Variants in GREM2 observed in about 807,000 individuals in gnomAD.
The protein encoded by GREM2 is gremlin-2.
In GREM2, 11 loss-of-function variants were observed where a neutral mutation model predicts 14.2. The ratio of observed to expected loss-of-function variants is 0.78; its 90% CI spans 0.49 to 1.28. The LOEUF is 1.28. GREM2 is among the 50% of genes most tolerant of loss of function. The pLI, the probability that GREM2 is intolerant of heterozygous loss-of-function variation, is 0.00. For missense variants in GREM2, 210 were observed against 218.5 expected (o/e 0.96, Z 0.24); for synonymous variants, 98 against 97.6 (o/e 1.00, Z -0.02).
Position 240,542,527 on chromosome 1 carries a change from A to G in GREM2, c.-1-49051T>C, listed in dbSNP as rs890487491. Among the ~76,000 whole-genome samples the G allele has an allele frequency of 2.4e-4, 37 of 151,924 alleles. No individual in the cohort carries two copies. The highest frequency in any genetic ancestry group is 8.4e-4 in the African/African-American group (35 of 41,440). The stretch of plus-strand genomic sequence containing the variant: ...CTACTCGGGAGGCTGAGGCAGGAGA[A>G]TCGCTTGAACCCAGGAGGCGGAGGT... On this transcript the variant is annotated intron_variant, in intron 1 of 1. Coordinates refer to ENST00000318160, the MANE Select transcript of GREM2 (RefSeq NM_022469.4). The surrounding 1 kb of genome is among the most constrained non-coding windows in gnomAD (Gnocchi z 4.1).
chr1:240,596,105 C>A (rs1243608603), intron 1 of GREM2, among the ~76,000 whole-genome samples: 2 of 152,086 alleles, frequency 1.3e-5, no homozygotes, highest in Admixed American at 6.6e-5. Flanking sequence ...ATTGTGTAGG[C>A]TGAATGATCG....
chr1:240,574,398 C>G (rs1401475655), intron 1 of GREM2, among the ~76,000 whole-genome samples: 2 of 152,154 alleles, frequency 1.3e-5, no homozygotes, highest in Non-Finnish European at 2.9e-5. Flanking sequence ...GGCACATGTG[C>G]TTTTACATGA....
rs34188522 is a variant in GREM2 at position 240,493,085 on chromosome 1, C to T, written c.391G>A (p.Val131Ile). The change falls in exon 2 of 2, where the codon GTC (valine) becomes ATC (isoleucine). Residue 131 changes from valine to isoleucine, a missense_variant. Physicochemically the swap from Val to Ile is conservative, Grantham distance 29. Transcript: ENST00000318160. Reference protein sequence around the residue: ...AFCKPQRVTSVLVELECPGLD... With the variant: ...AFCKPQRVTSILVELECPGLD... Reference sequence around the variant, plus strand: ...CCGGGGCACTCGAGCTCCACGAGGACGGAGGTGACGCGCTGGGGCTTGCAG... The same window carrying T: ...CCGGGGCACTCGAGCTCCACGAGGATGGAGGTGACGCGCTGGGGCTTGCAG... 6.2e-7 allele frequency: 1 copy of T among 1,613,746 alleles called. No homozygotes were observed. The highest frequency in any genetic ancestry group is 8.5e-7 in the Non-Finnish European group (1 of 1,179,712).
intron 1 of GREM2, among the ~76,000 whole-genome samples, chr1:240,498,513 A>G (rs1246619574): frequency 2.6e-5 from 4 of 152,208 alleles, no homozygotes; most frequent in Non-Finnish European, 5.9e-5. Context: ...CAGTTGAGCC[A>G]GCAACTGCTA....
At chr1:240,528,580 A>G (rs559680362) in intron 1 of GREM2, among the ~76,000 whole-genome samples, 186 of 152,298 alleles carry the variant, frequency 1.2e-3, no homozygotes, top group Non-Finnish European at 2.5e-3. Context: ...AAGCCACAAA[A>G]CAACTGCAAT....
In GREM2 at chr1:240,543,247, T is replaced by A. The variant is rs1454719566; in HGVS notation, c.-1-49771A>T. ...AAAATGCACTGTAAAATGTGTTAGG[T>A]AATCTATTAGTCTGTCGTCATGCTG... On this transcript the variant is annotated intron_variant, in intron 1 of 1. Transcript: ENST00000318160. The surrounding 1 kb of genome is among the most constrained non-coding windows in gnomAD (Gnocchi z 6.4). Among the ~76,000 whole-genome samples the A allele has an allele frequency of 6.6e-6, 1 of 152,210 alleles. No homozygotes were observed. The highest frequency in any genetic ancestry group is 1.9e-4 in the East Asian group (1 of 5,198).
chr1:240,510,250 G>C (rs1572371756), intron 1 of GREM2, among the ~76,000 whole-genome samples: 1 of 151,558 alleles, frequency 6.6e-6, no homozygotes, highest in Non-Finnish European at 1.5e-5. Context: ...GGCGCCTGTA[G>C]TCCCAGCTAG....
intron 1 of GREM2, among the ~76,000 whole-genome samples, chr1:240,528,908 C>G (rs562775538): frequency 6.6e-6 from 1 of 152,178 alleles, no homozygotes; most frequent in Non-Finnish European, 1.5e-5. Context: ...TCTCTGTCTC[C>G]TACATCCCCG....
intron 1 of GREM2, among the ~76,000 whole-genome samples, chr1:240,506,131 T>G (rs73132229): frequency 0.16 from 24,210 of 152,124 alleles, 2,092 homozygotes; most frequent in East Asian, 0.38. Context: ...ATTATTATAT[T>G]ATTATTTGCA....
intron 1 of GREM2, among the ~76,000 whole-genome samples, chr1:240,590,997 G>A (rs145466079): frequency 1.5e-4 from 23 of 150,798 alleles, no homozygotes; most frequent in African/African-American, 3.4e-4. Context: ...GGCCAGGCTG[G>A]TCTCAAATGC....
At chr1:240,527,799 T>C (rs982042135) in intron 1 of GREM2, among the ~76,000 whole-genome samples, 1 of 152,226 alleles carries the variant, frequency 6.6e-6, no homozygotes, top group African/African-American at 2.4e-5. Context: ...CAAACAGCCA[T>C]GGTGAATACA....
chr1:240,494,468 A>G (rs1022801727), intron 1 of GREM2, among the ~76,000 whole-genome samples: 2 of 152,252 alleles, frequency 1.3e-5, no homozygotes, highest in Non-Finnish European at 2.9e-5. Context: ...TTTAAAAATG[A>G]GTATTAAAGA....
Position 240,510,141 on chromosome 1 carries a change from G to A in GREM2, c.-1-16665C>T, listed in dbSNP as rs375883108. ...TCCCAGCACTTTGGGAGGCCGAGGCGGGCGGATCACGAGGTCAGGAGATTG... is the reference window on the plus strand; with the variant it reads ...TCCCAGCACTTTGGGAGGCCGAGGCAGGCGGATCACGAGGTCAGGAGATTG... On this transcript the variant is annotated intron_variant, in intron 1 of 1. Coordinates refer to ENST00000318160, the MANE Select transcript of GREM2 (RefSeq NM_022469.4). Among the ~76,000 whole-genome samples, 33 of 152,112 alleles carry A rather than the reference G, an allele frequency of 2.2e-4. 1 individual carries two copies. Among genetic ancestry groups the A allele is most frequent in the East Asian group, 1.4e-3 (7 of 5,124 alleles).
chr1:240,493,380 C>G lies in GREM2; in HGVS notation c.96G>C (p.Ser32=). 2 of 1,613,642 alleles carry G rather than the reference C, an allele frequency of 1.2e-6. No individual in the cohort carries two copies. Among genetic ancestry groups the G allele is most frequent in the South Asian group, 1.1e-5 (1 of 91,068 alleles). Residue 32 remains serine (S), a synonymous_variant, in exon 2 of 2, where the codon TCG becomes TCC. Transcript: ENST00000318160. ...TGTTGCTGCTGCCGTCCTTGTAAGG[C>G]GAGGGGATGGCGCCCGCCGGCCGGT... ...RKNRPAGAIP[S]PYKDGSSNNS... is the part of the protein sequence containing the mutation.
At chr1:240,590,647 A>G (rs1234613489) in intron 1 of GREM2, 1 of 151,782 alleles carries the variant, frequency 6.6e-6, no homozygotes, top group African/African-American at 2.4e-5. Context: ...CAGGTGACCA[A>G]CTAACTCCTG....
intron 1 of GREM2, among the ~76,000 whole-genome samples, chr1:240,586,020 C>T (rs1679593428): frequency 6.6e-6 from 1 of 150,776 alleles, no homozygotes; most frequent in Non-Finnish European, 1.5e-5. Flanking sequence ...AATTCAGAAC[C>T]CACGATAGAA....
intron 1 of GREM2, among the ~76,000 whole-genome samples, chr1:240,510,543 T>C (rs1410564317): frequency 1.3e-5 from 2 of 151,956 alleles, no homozygotes; most frequent in Middle Eastern, 3.2e-3. Context: ...TGGAACTAGA[T>C]AGAGCTGGTG....
chr1:240,593,192 T>G (rs1679744657), intron 1 of GREM2, among the ~76,000 whole-genome samples: 1 of 152,044 alleles, frequency 6.6e-6, no homozygotes, highest in Non-Finnish European at 1.5e-5. Flanking sequence ...TAGGTAGTCT[T>G]TAAGGCCCAT....
In GREM2 at chr1:240,607,215, C is replaced by G. The variant is rs548457374; in HGVS notation, c.-2+4669G>C. Among the ~76,000 whole-genome samples the G allele has an allele frequency of 7.4e-4, 113 of 152,312 alleles. 2 individuals carry two copies. In the South Asian group the frequency reaches 0.022, roughly 30 times the overall value. On this transcript the variant is annotated intron_variant, in intron 1 of 1. Transcript: ENST00000318160. ...AGCTGGAATGAAGCCCAGTGAGCCA[C>G]TTCCGCCTTCTCATTGTAAAGAGTA... is the stretch of plus-strand genomic sequence containing the variant.
Sources: gnomAD v4.1 joint callset for allele counts (sites outside exome capture counted in the v4.1 genomes callset) on GRCh38, gnomAD v4.1.1 for gene constraint, Gnocchi (gnomAD v3.1) non-coding constraint, MANE v1.5 for transcripts, NCBI Gene and HGNC (gene_info 2026-07-23, HGNC 2026-07-21) for gene names.